ZDHHC15: variants seen among roughly 807,000 people sequenced by gnomAD.
ZDHHC15 encodes the protein palmitoyltransferase ZDHHC15.
ZDHHC15 carries 19 observed loss-of-function variants against 31.7 expected under a neutral mutation model. The observed-to-expected ratio is 0.60, with a 90% CI of 0.42 to 0.88. The LOEUF is 0.88. Ranked by LOEUF, ZDHHC15 falls within the 40% of genes least tolerant of loss-of-function variation. The pLI is 0.00. For synonymous variants in ZDHHC15, 103 were observed against 90.0 expected, an observed-to-expected ratio of 1.14 and a Z score of -0.82; for missense variants, 209 against 251.2, an observed-to-expected ratio of 0.83 and a Z score of 1.14.
intron 11 of ZDHHC15, among the ~76,000 whole-genome samples, chrX:75,375,468 A>G (rs2147745675): frequency 9.0e-6 from 1 of 111,417 alleles, no homozygotes; most frequent in African/African-American, 3.3e-5. Context: ...GTTAGGTGGT[A>G]TATTGTGTGA....
chrX:75,451,262 T>A (rs765130882), intron 3 of ZDHHC15, among the ~76,000 whole-genome samples: 2 of 112,040 alleles, frequency 1.8e-5, no homozygotes, highest in East Asian at 5.6e-4. Flanking sequence ...TGATTCATAA[T>A]ATGATGTTGC....
At chrX:75,442,236 C>T (rs887472738) in intron 4 of ZDHHC15, among the ~76,000 whole-genome samples, 4 of 112,062 alleles carry the variant, frequency 3.6e-5, no homozygotes, top group African/African-American at 6.5e-5. Flanking sequence ...AGGACCAAAA[C>T]TGGCACAAGA....
In ZDHHC15 at chrX:75,492,478, G is replaced by A. The variant is rs564529179; in HGVS notation, c.163+13343C>T. Among the ~76,000 whole-genome samples, 22 of 111,202 alleles carry A rather than the reference G, an allele frequency of 2.0e-4. No individual in the cohort carries two copies. The South Asian group carries it at 6.1e-3, about 31-fold the overall frequency. ...TCCACCCCAAGTCAACAGAATATAC[G>A]TTCTTCTCAGCACCACACCATACTT... On this transcript the variant is annotated intron_variant, in intron 2 of 11. Transcript: ENST00000373367.
rs72630741 is a variant in ZDHHC15, at chrX:75,448,867, G to A, written c.379+1935C>T. ...TAGGTGTCTCTGTGAAGGTGCTTCT[G>A]GGTGAGATTAGCATTCGAATCTAGA... On this transcript the variant is annotated intron_variant, in intron 4 of 11. Coordinates refer to ENST00000373367, the MANE Select transcript of ZDHHC15 (RefSeq NM_144969.3). Among the ~76,000 whole-genome samples, 3 of 110,717 alleles carry A rather than the reference G, an allele frequency of 2.7e-5. No homozygotes were observed. In the East Asian group the frequency reaches 8.6e-4, roughly 32 times the overall value.
chrX:75,469,121 C>T (rs1318804773), intron 3 of ZDHHC15, among the ~76,000 whole-genome samples: 2 of 110,896 alleles, frequency 1.8e-5, no homozygotes, highest in African/African-American at 6.6e-5. Flanking sequence ...CTTTTGGTGT[C>T]ATATCAAAGA....
intron 2 of ZDHHC15, among the ~76,000 whole-genome samples, chrX:75,487,742 C>T (rs1286344413): frequency 2.7e-5 from 3 of 111,326 alleles, no homozygotes; most frequent in African/African-American, 9.8e-5. Context: ...CAAGGAGGCA[C>T]CAGACAAAGG....
chrX:75,409,301 G>A (rs2083455759), intron 10 of ZDHHC15, among the ~76,000 whole-genome samples: 1 of 109,125 alleles, frequency 9.2e-6, no homozygotes, highest in African/African-American at 3.4e-5. Flanking sequence ...AGACCAGCAT[G>A]GCCAACATGG....
chrX:75,455,255 C>G (rs1405766367), intron 3 of ZDHHC15, among the ~76,000 whole-genome samples: 1 of 111,425 alleles, frequency 9.0e-6, no homozygotes, highest in Non-Finnish European at 1.9e-5. Flanking sequence ...CTGACAAAAA[C>G]AAGAAATGGG....
intron 5 of ZDHHC15, 84 bp from the exon 6 acceptor site, chrX:75,430,064 G>T: frequency 9.8e-7 from 1 of 1,020,492 alleles, no homozygotes; most frequent in Non-Finnish European, 1.4e-6. Flanking sequence ...GGTTTCACCA[G>T]TATTTTTACA....
chrX:75,444,814 T>A (rs772352562), intron 4 of ZDHHC15, among the ~76,000 whole-genome samples: 3 of 104,776 alleles, frequency 2.9e-5, no homozygotes, highest in East Asian at 3.0e-4. Flanking sequence ...TAAAAAAAAA[T>A]TCAGAGGAAG....
intron 10 of ZDHHC15, among the ~76,000 whole-genome samples, chrX:75,399,212 C>T (rs755327976): frequency 8.1e-5 from 9 of 111,256 alleles, no homozygotes; most frequent in South Asian, 3.8e-4. Flanking sequence ...CTCCAGCCAC[C>T]CCCCACCAGA....
intron 11 of ZDHHC15, among the ~76,000 whole-genome samples, chrX:75,373,238 T>C (rs1374593447): frequency 9.0e-6 from 1 of 111,645 alleles, no homozygotes; most frequent in African/African-American, 3.3e-5. Context: ...ACTTGCATTT[T>C]CCACATTTTC....
At chrX:75,390,006 C>T (rs780768189) in intron 10 of ZDHHC15, among the ~76,000 whole-genome samples, 3 of 111,311 alleles carry the variant, frequency 2.7e-5, no homozygotes, top group African/African-American at 6.5e-5. Flanking sequence ...AGTCCCAGAT[C>T]GGACAGGATT....
intron 4 of ZDHHC15, among the ~76,000 whole-genome samples, chrX:75,441,146 G>A (rs943232697): frequency 8.9e-6 from 1 of 112,163 alleles, no homozygotes; most frequent in African/African-American, 3.2e-5. Context: ...CTCCCTGCCT[G>A]CCACAGCTTC....
At chrX:75,496,858 A>C (rs959604727) in intron 2 of ZDHHC15, among the ~76,000 whole-genome samples, 1 of 111,497 alleles carries the variant, frequency 9.0e-6, no homozygotes, top group African/African-American at 3.3e-5. Flanking sequence ...GCTAAGAAGA[A>C]AGTTTGTAAT....
intron 10 of ZDHHC15, among the ~76,000 whole-genome samples, chrX:75,407,895 A>G (rs1394218248): frequency 8.9e-6 from 1 of 111,777 alleles, no homozygotes; most frequent in Admixed American, 9.4e-5. Context: ...GGATGCTGTT[A>G]ATCTATAACC....
chrX:75,422,077 A>C, intron 8 of ZDHHC15, 87 bp from the exon 9 acceptor site: 23 of 1,057,748 alleles, frequency 2.2e-5, no homozygotes, highest in Non-Finnish European at 2.7e-5. Flanking sequence ...ACATTTCTCC[A>C]TGTATGTGAC....
intron 10 of ZDHHC15, among the ~76,000 whole-genome samples, chrX:75,401,076 C>T (rs1422068674): frequency 1.8e-5 from 2 of 110,752 alleles, no homozygotes; most frequent in Non-Finnish European, 3.8e-5. Flanking sequence ...TGGAAAGTAG[C>T]GCATCACTGA....
At chrX:75,441,749 G>T (rs1203762366) in intron 4 of ZDHHC15, among the ~76,000 whole-genome samples, 1 of 107,553 alleles carries the variant, frequency 9.3e-6, no homozygotes, top group African/African-American at 3.4e-5. Context: ...TTAGCCCCCC[G>T]AGTAGCTGGG....
Sources: allele counts gnomAD v4.1 joint callset (sites outside exome capture counted in the v4.1 genomes callset), GRCh38; gene constraint gnomAD v4.1.1; transcripts MANE v1.5; gene names NCBI Gene and HGNC (gene_info 2026-07-23, HGNC 2026-07-21).